The following EP300 variants were observed in gnomAD, a reference collection of about 807,000 sequenced individuals.
The protein encoded by EP300 is EP300 lysine acetyltransferase, also known as histone acetyltransferase p300.
A neutral mutation model predicts 264.0 loss-of-function variants in EP300; 31 were observed. The ratio of observed to expected loss-of-function variants is 0.12; its 90% CI spans 0.09 to 0.16. EP300 has a LOEUF of 0.16. Among genes scored for constraint, EP300 ranks in the 10% least tolerant of loss-of-function variants. The pLI is 1.00. For missense variants in EP300, 2,766 were observed against 3,052.9 expected, an observed-to-expected ratio of 0.91 and a Z score of 2.21; for synonymous variants, 1,340 against 1,045.4, an observed-to-expected ratio of 1.28 and a Z score of -5.44.
intron 7 of EP300, 27 bp downstream of exon 7, chr22:41,135,933 G>A (rs534720994): frequency 6.6e-7 from 1 of 1,515,726 alleles, no homozygotes; most frequent in South Asian, 1.1e-5. Flanking sequence ...TTTATACCCT[G>A]GGTCACATTA....
Position 41,140,165 on chromosome 22 carries a change from G to A in EP300, c.1786G>A (p.Asp596Asn). The A allele has an allele frequency of 6.2e-7, 1 of 1,614,102 alleles. No homozygotes were observed. The highest frequency in any genetic ancestry group is 8.5e-7 in the Non-Finnish European group (1 of 1,179,988). The change falls in exon 9 of 31, where the codon GAT becomes AAT. Residue 596 changes from aspartate to asparagine, a missense_variant. Asp to Asn is a conservative substitution (Grantham distance 23, BLOSUM62 1). Transcript: ENST00000263253. ...CGTCCAAGCCATATTTCCTACGCCG[G>A]ATCCTGCTGCTTTAAAAGACAGACG... Reference protein sequence around the residue: ...KLVQAIFPTPDPAALKDRRME... With the variant: ...KLVQAIFPTPNPAALKDRRME...
chr22:41,151,651 C>G (rs1466619755), intron 14 of EP300, among the ~76,000 whole-genome samples, 182 bp from the exon 15 acceptor site: 1 of 152,118 alleles, frequency 6.6e-6, no homozygotes, highest in Non-Finnish European at 1.5e-5. Flanking sequence ...AGTCTTAATT[C>G]TCCTGTTCTT....
intron 23 of EP300, among the ~76,000 whole-genome samples, chr22:41,166,942 G>T (rs1273567596): frequency 6.6e-6 from 1 of 152,166 alleles, no homozygotes; most frequent in African/African-American, 2.4e-5. Context: ...CATAAAGGAG[G>T]AATAAGGTGT....
intron 2 of EP300, among the ~76,000 whole-genome samples, chr22:41,121,300 A>G (rs1158604614): frequency 6.6e-6 from 1 of 152,210 alleles, no homozygotes. Flanking sequence ...CATCTGGAGC[A>G]TATTAGCTAT....
Position 41,137,789 on chromosome 22 carries a change from CTGTA to C in EP300, c.1760_1760+3del. ...TCTTCGAAATCATCTTGTTCACAAA[CTGTA>C]AGTAAGATTGTGGACACGTCTCATT... On this transcript the variant is annotated splice_donor_variant and splice_donor_region_variant and coding_sequence_variant and intron_variant, in exon 8 of 31. Coordinates refer to ENST00000263253, the MANE Select transcript of EP300 (RefSeq NM_001429.4). LOFTEE classifies it high-confidence loss of function. The C allele has an allele frequency of 6.2e-7, 1 of 1,614,160 alleles. No homozygotes were observed. The highest frequency in any genetic ancestry group is 1.7e-5 in the Admixed American group (1 of 60,006).
Position 41,141,122 on chromosome 22 carries a change from A to G in EP300, c.1953A>G (p.Arg651=). 2.5e-6 allele frequency: 4 copies of G among 1,614,186 alleles called. No homozygotes were observed. Among genetic ancestry groups the G allele is most frequent in the Non-Finnish European group, 2.5e-6 (3 of 1,180,016 alleles). ...QKELEEKRRT[R]LQKQNMLPNA... is the part of the protein sequence containing the mutation. ...AACTAGAAGAAAAACGAAGGACCAG[A>G]CTACAGAAGCAGAACATGCTACCAA... The change falls in exon 10 of 31, where the codon AGA becomes AGG. Residue 651 remains arginine (R), a synonymous_variant. Transcript: ENST00000263253.
At position 41,179,794 on chromosome 22, in the gene EP300, G is replaced by A. The variant is rs959119386; in HGVS notation, c.*838G>A. ...AAAAATTAAAAAGAGGGTAAGAAAC[G>A]ATTCCGGTGGGATGATTTTAACATG... On this transcript the variant is annotated 3_prime_UTR_variant, in exon 31 of 31. Transcript: ENST00000263253. 1 of 228,050 alleles carries A rather than the reference G, an allele frequency of 4.4e-6. No individual in the cohort carries two copies. Among genetic ancestry groups the A allele is most frequent in the South Asian group, 1.8e-4 (1 of 5,468 alleles). 14.1% of individuals were successfully genotyped at this position (228,050 alleles called of 1,614,324 possible).
chr22:41,162,527 T>C lies in EP300; in HGVS notation c.3672-196T>C, dbSNP rs9623340. ...TCCATTTCTGATAAGAGGAAATTTA[T>C]TTACTATGAAGTCCTATAGAATATT... On this transcript the variant is annotated intron_variant, in intron 20 of 30. Coordinates refer to ENST00000263253, the MANE Select transcript of EP300 (RefSeq NM_001429.4). 0.018 allele frequency among the ~76,000 whole-genome samples: 2,697 copies of C among 152,304 alleles called. 74 individuals are homozygous for C. Among genetic ancestry groups the C allele is most frequent in the African/African-American group, 0.062 (2,594 of 41,542 alleles).
chr22:41,154,476 A>AGTT (rs1822443172), intron 16 of EP300, among the ~76,000 whole-genome samples: 1 of 139,426 alleles, frequency 7.2e-6, no homozygotes, highest in South Asian at 2.3e-4. Flanking sequence ...CTGCCTCCCG[A>AGTT]GTTCAAGCAG....
chr22:41,154,489 C>T (rs1396286459), intron 16 of EP300, among the ~76,000 whole-genome samples: 1 of 146,790 alleles, frequency 6.8e-6, no homozygotes, highest in African/African-American at 2.5e-5. Context: ...TCAAGCAGTT[C>T]TCTTGCCTCA....
chr22:41,101,884 G>A (rs994161953), intron 1 of EP300, among the ~76,000 whole-genome samples: 1 of 152,194 alleles, frequency 6.6e-6, no homozygotes, highest in East Asian at 1.9e-4. Context: ...GCAGTGCAGT[G>A]CTCCAAAGAA....
intron 18 of EP300, 53 bp from the exon 19 acceptor site, chr22:41,158,359 T>G (rs535529477): frequency 2.7e-6 from 4 of 1,468,064 alleles, no homozygotes; most frequent in Non-Finnish European, 9.5e-7. Context: ...TTCTTACTGT[T>G]CTAGCTTGTC....
chr22:41,140,581 C>T (rs968937573), intron 9 of EP300, among the ~76,000 whole-genome samples: 2 of 151,920 alleles, frequency 1.3e-5, no homozygotes, highest in African/African-American at 4.8e-5. Context: ...CTGAGGTGGG[C>T]GGATCACTTG....
chr22:41,168,237 T>G, intron 23 of EP300: 1 of 582,398 alleles, frequency 1.7e-6, no homozygotes, highest in Non-Finnish European at 3.1e-6. Flanking sequence ...AGCACATGTA[T>G]TAAAATTAGA....
intron 6 of EP300, among the ~76,000 whole-genome samples, chr22:41,133,447 G>T (rs1265343933): frequency 1.3e-5 from 2 of 151,978 alleles, no homozygotes; most frequent in Non-Finnish European, 2.9e-5. Flanking sequence ...CACTGTGCCT[G>T]ACCCTCTAAG....
intron 1 of EP300, among the ~76,000 whole-genome samples, chr22:41,109,920 TCTC>T (rs930790434): frequency 6.0e-5 from 9 of 150,224 alleles, no homozygotes; most frequent in Admixed American, 4.7e-4. Flanking sequence ...CTCAAGCAAT[TCTC>T]CTGCCCCGGC....
At position 41,142,157 on chromosome 22, in the gene EP300, C is replaced by T. The variant is rs149705235; in HGVS notation, c.2053+935C>T. ...AGGCACACCATTTTCAGGAATGGCA[C>T]AGGCTGTAAGTGCTGTGAGCAAGGC... On this transcript the variant is annotated intron_variant, in intron 10 of 30. Coordinates refer to ENST00000263253, the MANE Select transcript of EP300 (RefSeq NM_001429.4). Among the ~76,000 whole-genome samples, 202 of 152,270 alleles carry T rather than the reference C, an allele frequency of 1.3e-3. 1 individual carries two copies. The highest frequency in any genetic ancestry group is 4.5e-3 in the African/African-American group (187 of 41,558).
rs71200661 is a variant in EP300 at position 41,111,876 on chromosome 22, C to CTTTTT, written c.95-5286_95-5282dup. On this transcript the variant is annotated intron_variant, in intron 1 of 30. Coordinates refer to ENST00000263253, the MANE Select transcript of EP300 (RefSeq NM_001429.4). ...TTTTTTCTTTTTTAGAACTTGTAAC[C>CTTTTT]TTTTTTTTTTTTTTTTTTTTTTTTT... 3.8e-4 allele frequency among the ~76,000 whole-genome samples: 21 copies of CTTTTT among 54,706 alleles called. 1 individual carries two copies. The East Asian group carries it at 0.011, about 29-fold the overall frequency. 35.9% of individuals were successfully genotyped at this position (54,706 alleles called of 152,430 possible).
chr22:41,114,863 G>T (rs1156592833), intron 1 of EP300, among the ~76,000 whole-genome samples: 1 of 152,106 alleles, frequency 6.6e-6, no homozygotes, highest in Non-Finnish European at 1.5e-5. Context: ...GCACATACAG[G>T]AAGAGTTATA....
Sources: gnomAD v4.1 joint callset for allele counts (sites outside exome capture counted in the v4.1 genomes callset) on GRCh38, gnomAD v4.1.1 for gene constraint, MANE v1.5 for transcripts, NCBI Gene and HGNC (gene_info 2026-07-23, HGNC 2026-07-21) for gene names.